GRIA2: variants seen among roughly 807,000 people sequenced by gnomAD.
GRIA2 encodes the protein glutamate ionotropic receptor AMPA type subunit 2.
A neutral mutation model predicts 97.3 loss-of-function variants in GRIA2; 14 were observed. That is an observed-to-expected ratio of 0.14 (90% CI 0.10 to 0.23). The LOEUF (loss-of-function observed/expected upper bound fraction) is 0.23. Ranked by LOEUF, GRIA2 falls within the 10% of genes least tolerant of loss-of-function variation. The probability of loss-of-function intolerance (pLI) is 1.00; values close to 1 mark genes in which losing one functional copy is unlikely to be tolerated. For missense variants in GRIA2, 558 were observed against 1,069.8 expected (o/e 0.52, Z 6.67); for synonymous variants, 412 against 387.8 (o/e 1.06, Z -0.73).
chr4:157,283,004 T>A (rs1406772123), intron 2 of GRIA2, among the ~76,000 whole-genome samples: 1 of 152,134 alleles, frequency 6.6e-6, no homozygotes, highest in African/African-American at 2.4e-5. Context: ...GAAAAATCAG[T>A]GTTTTAAAAC....
At chr4:157,284,634 A>C in intron 2 of GRIA2, among the ~76,000 whole-genome samples, 1 of 151,700 alleles carries the variant, frequency 6.6e-6, no homozygotes, top group Admixed American at 6.6e-5. Context: ...TCTTTTCTAC[A>C]AATTCCACTG....
intron 12 of GRIA2, among the ~76,000 whole-genome samples, chr4:157,352,446 G>T (rs369489314): frequency 1.3e-5 from 2 of 152,000 alleles, no homozygotes; most frequent in African/African-American, 2.4e-5. Flanking sequence ...GACCAGGCAC[G>T]GTGGCTCATG....
intron 9 of GRIA2, chr4:157,334,911 T>G (rs951595563): frequency 6.6e-6 from 1 of 152,166 alleles, no homozygotes; most frequent in African/African-American, 2.4e-5. Context: ...GAAAATCTCT[T>G]GATAAGTGCA....
chr4:157,237,189 A>G (rs1730290376), intron 2 of GRIA2, among the ~76,000 whole-genome samples: 1 of 152,144 alleles, frequency 6.6e-6, no homozygotes, highest in African/African-American at 2.4e-5. Context: ...GTGATTAACA[A>G]AACCTACAGA....
chr4:157,337,644 C>T (rs920163474), intron 11 of GRIA2, among the ~76,000 whole-genome samples: 1 of 151,848 alleles, frequency 6.6e-6, no homozygotes, highest in African/African-American at 2.4e-5. Context: ...GAGCGGGTGC[C>T]TTTCATGATA....
At chr4:157,243,395 G>T (rs1730589682) in intron 2 of GRIA2, among the ~76,000 whole-genome samples, 1 of 152,092 alleles carries the variant, frequency 6.6e-6, no homozygotes, top group African/African-American at 2.4e-5. Context: ...AAGCAGCTTG[G>T]ATTTGAAAGG....
chr4:157,357,734 T>G (rs1486059256), intron 12 of GRIA2, among the ~76,000 whole-genome samples: 1 of 152,108 alleles, frequency 6.6e-6, no homozygotes, highest in Non-Finnish European at 1.5e-5. Context: ...TCTAAATGAT[T>G]CAAACTGCAA....
At chr4:157,270,452 G>A (rs532255862) in intron 2 of GRIA2, among the ~76,000 whole-genome samples, 11 of 152,152 alleles carry the variant, frequency 7.2e-5, no homozygotes, top group South Asian at 2.1e-4. Flanking sequence ...AGGTTGAGTC[G>A]TATTTTCCTT....
intron 2 of GRIA2, among the ~76,000 whole-genome samples, chr4:157,291,142 C>G (rs956314669): frequency 6.6e-6 from 1 of 151,842 alleles, no homozygotes; most frequent in East Asian, 1.9e-4. Context: ...TTCCAATTTT[C>G]TCCATGTTTT....
chr4:157,317,227 T>C (rs1054984227), intron 4 of GRIA2, among the ~76,000 whole-genome samples: 3 of 152,178 alleles, frequency 2.0e-5, no homozygotes, highest in African/African-American at 7.2e-5. Flanking sequence ...TATTTGAATA[T>C]AGACATATGA....
chr4:157,361,665 A>T lies in GRIA2; in HGVS notation c.2406+541A>T. ...CTCTGGAAGTAAGGTCAGTTGCTGC[A>T]GGTTTTATGTGAAAAAACAAAATCA... On this transcript the variant is annotated intron_variant, in intron 14 of 15. Transcript: ENST00000264426. The surrounding 1 kb of genome is among the most constrained non-coding windows in gnomAD (Gnocchi z 5.2). 6.3e-7 allele frequency: 1 copy of T among 1,577,296 alleles called. No homozygotes were observed. The highest frequency in any genetic ancestry group is 8.7e-7 in the Non-Finnish European group (1 of 1,147,628).
intron 3 of GRIA2, among the ~76,000 whole-genome samples, chr4:157,308,587 T>C (rs1273913887): frequency 6.6e-6 from 1 of 152,234 alleles, no homozygotes; most frequent in East Asian, 1.9e-4. Flanking sequence ...GTCTCTGCTA[T>C]AGAAATTCAA....
At chr4:157,288,223 T>C (rs1043407728) in intron 2 of GRIA2, among the ~76,000 whole-genome samples, 2 of 151,694 alleles carry the variant, frequency 1.3e-5, no homozygotes, top group African/African-American at 4.8e-5. Flanking sequence ...ATTGAATCTC[T>C]AAATTGAAAT....
At chr4:157,283,253 G>A (rs1388184485) in intron 2 of GRIA2, among the ~76,000 whole-genome samples, 1 of 151,892 alleles carries the variant, frequency 6.6e-6, no homozygotes, top group East Asian at 1.9e-4. Flanking sequence ...ACCCCAGTTA[G>A]CAAAATAAAG....
chr4:157,335,976 A>G, intron 10 of GRIA2, 99 bp downstream of exon 10: 2 of 776,132 alleles, frequency 2.6e-6, no homozygotes, highest in South Asian at 3.0e-5. Context: ...GAGGTTGTTG[A>G]TTTCCCACAT....
intron 2 of GRIA2, among the ~76,000 whole-genome samples, chr4:157,224,442 C>T (rs1348941595): frequency 6.6e-6 from 1 of 152,082 alleles, no homozygotes; most frequent in Non-Finnish European, 1.5e-5. Flanking sequence ...CTGGGCAAAT[C>T]GCTTAACATG....
intron 2 of GRIA2, among the ~76,000 whole-genome samples, chr4:157,273,128 A>G (rs574716391): frequency 1.3e-5 from 2 of 152,240 alleles, no homozygotes; most frequent in Admixed American, 6.6e-5. Context: ...TTTTTATTAT[A>G]TTAGTTATTA....
At position 157,303,540 on chromosome 4, in the gene GRIA2, C is replaced by T; in HGVS notation, c.230-12C>T. The T allele has an allele frequency of 6.2e-7, 1 of 1,605,448 alleles. No homozygotes were observed. Among genetic ancestry groups the T allele is most frequent in the East Asian group, 2.2e-5 (1 of 44,628 alleles). On this transcript the variant is annotated splice_polypyrimidine_tract_variant and intron_variant, in intron 2 of 15. Coordinates refer to ENST00000264426, the MANE Select transcript of GRIA2 (RefSeq NM_001083619.3). The stretch of plus-strand genomic sequence containing the variant: ...CAATGATTTTTCCTTTCTATTTTTC[C>T]TATTCTTCTAGTCTGCTCCCAGTTT...
At chr4:157,355,247 G>A (rs926604265) in intron 12 of GRIA2, among the ~76,000 whole-genome samples, 4 of 151,868 alleles carry the variant, frequency 2.6e-5, no homozygotes, top group South Asian at 2.1e-4. Flanking sequence ...CAGTCTTCCG[G>A]CCGGGCACAG....
Sources: allele counts gnomAD v4.1 joint callset (sites outside exome capture counted in the v4.1 genomes callset), GRCh38; gene constraint gnomAD v4.1.1; non-coding constraint Gnocchi (gnomAD v3.1); transcripts MANE v1.5; gene names NCBI Gene and HGNC (gene_info 2026-07-23, HGNC 2026-07-21).